Variants in SLC22A16 observed in about 807,000 individuals in gnomAD.
The protein encoded by SLC22A16 is WUGSC:RG331P03.1.
SLC22A16 carries 53 observed loss-of-function variants against 52.9 expected under a neutral mutation model. That is an observed-to-expected ratio of 1.00 (90% CI 0.80 to 1.26). SLC22A16 has a LOEUF of 1.26. Ranked by LOEUF, SLC22A16 falls within the 50% of genes most tolerant of loss-of-function variation. The pLI, the probability that SLC22A16 is intolerant of heterozygous loss-of-function variation, is 0.00. For missense variants in SLC22A16, 726 were observed against 704.0 expected (o/e 1.03, Z -0.35); for synonymous variants, 291 against 268.8 (o/e 1.08, Z -0.81).
chr6:110,445,522 G>C (rs539313244), intron 3 of SLC22A16, among the ~76,000 whole-genome samples: 104 of 152,228 alleles, frequency 6.8e-4, no homozygotes, highest in African/African-American at 2.2e-3. Context: ...TTGAGTAAAT[G>C]AATCTGCCTG....
chr6:110,454,812 A>ATATAT (rs1228552464), intron 2 of SLC22A16, among the ~76,000 whole-genome samples: 2 of 36,390 alleles, frequency 5.5e-5, no homozygotes, highest in African/African-American at 3.2e-4. Context: ...TATATATATT[A>ATATAT]TATATGTTAT....
At chr6:110,473,820 T>A (rs1321458994) in intron 1 of SLC22A16, among the ~76,000 whole-genome samples, 1 of 143,306 alleles carries the variant, frequency 7.0e-6, no homozygotes, top group South Asian at 2.2e-4. Flanking sequence ...CCACCGCACC[T>A]GGCCTGTTTT....
intron 6 of SLC22A16, among the ~76,000 whole-genome samples, chr6:110,434,140 T>G (rs1410923506): frequency 1.3e-5 from 2 of 152,074 alleles, no homozygotes; most frequent in Non-Finnish European, 1.5e-5. Flanking sequence ...CTCAGGAGGC[T>G]GAGGCAGGAG....
chr6:110,437,897 G>C (rs544764422), intron 5 of SLC22A16, among the ~76,000 whole-genome samples: 4 of 152,122 alleles, frequency 2.6e-5, no homozygotes, highest in African/African-American at 9.7e-5. Flanking sequence ...GCTCCTTGGG[G>C]TGTTTATGCG....
chr6:110,431,093 A>C, intron 7 of SLC22A16, 78 bp downstream of exon 7: 1 of 1,166,296 alleles, frequency 8.6e-7, no homozygotes, highest in Non-Finnish European at 1.3e-6. Context: ...TCAGTAAATA[A>C]CAATAGAGAA....
chr6:110,473,492 T>G (rs1030725406), intron 1 of SLC22A16, among the ~76,000 whole-genome samples: 2 of 2,000 alleles, frequency 1.0e-3, no homozygotes, highest in Admixed American at 5.7e-3. Context: ...CTGTTTTCCC[T>G]TTTTTTTTTT....
At chr6:110,451,533 A>G (rs945461389) in intron 2 of SLC22A16, among the ~76,000 whole-genome samples, 2 of 152,196 alleles carry the variant, frequency 1.3e-5, no homozygotes, top group African/African-American at 4.8e-5. Flanking sequence ...GTCACTGTCA[A>G]TTCAACTTTT....
chr6:110,476,245 GGA>G, intron 1 of SLC22A16: 1 of 919,838 alleles, frequency 1.1e-6, no homozygotes, highest in Non-Finnish European at 1.5e-6. Context: ...CTGCTGCCGC[GGA>G]GAGCACGCAC....
intron 4 of SLC22A16, 88 bp from the exon 5 acceptor site, chr6:110,438,935 T>G: frequency 3.3e-6 from 5 of 1,522,750 alleles, no homozygotes; most frequent in Admixed American, 1.9e-5. Flanking sequence ...CCAAAAGGCA[T>G]GAGCAGCCCT....
chr6:110,447,465 G>T (rs1775222079), intron 2 of SLC22A16, among the ~76,000 whole-genome samples: 1 of 152,030 alleles, frequency 6.6e-6, no homozygotes, highest in African/African-American at 2.4e-5. Flanking sequence ...GCATCTCTTT[G>T]TTTAAAAAAC....
Position 110,435,914 on chromosome 6 carries a change from G to T in SLC22A16, c.1359C>A (p.Ala453=). The change falls in exon 6 of 8, where the codon GCC becomes GCA. Residue 453 remains alanine (A), a synonymous_variant. Transcript: ENST00000368919. ...AAATGAGGCCAAATGCTGCCCCGATGGCAAATTTTCCAACCATAGCTGTCA... is the reference window on the plus strand; with the variant it reads ...AAATGAGGCCAAATGCTGCCCCGATTGCAAATTTTCCAACCATAGCTGTCA... ...GVVTAMVGKF[A]IGAAFGLIYL... 1 of 1,613,930 alleles carries T rather than the reference G, an allele frequency of 6.2e-7. No homozygotes were observed. Among genetic ancestry groups the T allele is most frequent in the Non-Finnish European group, 8.5e-7 (1 of 1,179,944 alleles).
intron 1 of SLC22A16, among the ~76,000 whole-genome samples, chr6:110,461,095 C>T (rs914222600): frequency 6.6e-6 from 1 of 152,218 alleles, no homozygotes; most frequent in Non-Finnish European, 1.5e-5. Context: ...GCTGCATCCC[C>T]ACTGAAAGTG....
At chr6:110,463,733 G>C (rs1024487705) in intron 1 of SLC22A16, among the ~76,000 whole-genome samples, 33 of 151,940 alleles carry the variant, frequency 2.2e-4, no homozygotes, top group African/African-American at 8.0e-4. Context: ...AGCTGTCAAT[G>C]ATGACAGATC....
chr6:110,427,310 T>A, intron 7 of SLC22A16, among the ~76,000 whole-genome samples: 1 of 151,924 alleles, frequency 6.6e-6, no homozygotes, highest in Admixed American at 6.6e-5. Context: ...CTTGACCCTT[T>A]TATAATCTCC....
intron 1 of SLC22A16, among the ~76,000 whole-genome samples, chr6:110,473,904 G>T (rs1175329496): frequency 1.3e-5 from 2 of 151,898 alleles, no homozygotes; most frequent in Admixed American, 6.6e-5. Context: ...GGTAATCAGG[G>T]TTCTCTACTG....
At chr6:110,456,315 A>T in intron 2 of SLC22A16, 1 of 558,598 alleles carries the variant, frequency 1.8e-6, no homozygotes, top group Non-Finnish European at 3.0e-6. Context: ...CCTGGGGTCC[A>T]CAGTTAATAA....
At chr6:110,472,730 C>T (rs1776301797) in intron 1 of SLC22A16, among the ~76,000 whole-genome samples, 1 of 152,124 alleles carries the variant, frequency 6.6e-6, no homozygotes, top group Non-Finnish European at 1.5e-5. Context: ...AGGTGTCATG[C>T]ATGTACCCAA....
At chr6:110,473,428 C>T (rs17071733) in intron 1 of SLC22A16, among the ~76,000 whole-genome samples, 1,981 of 143,318 alleles carry the variant, frequency 0.014, 18 homozygotes, top group South Asian at 0.018. Context: ...TTTATGGAAA[C>T]GATATGGTTT....
intron 3 of SLC22A16, among the ~76,000 whole-genome samples, chr6:110,444,292 G>A (rs1415822500): frequency 6.6e-6 from 1 of 151,878 alleles, no homozygotes; most frequent in East Asian, 1.9e-4. Flanking sequence ...GAGGAGGAGG[G>A]GAAGAATTTT....
Sources: allele counts gnomAD v4.1 joint callset (sites outside exome capture counted in the v4.1 genomes callset), GRCh38; gene constraint gnomAD v4.1.1; transcripts MANE v1.5; gene names NCBI Gene and HGNC (gene_info 2026-07-23, HGNC 2026-07-21).